ASAP2: variants seen among roughly 807,000 people sequenced by gnomAD.
ASAP2 encodes ArfGAP with SH3 domain, ankyrin repeat and PH domain 2.
Under a neutral mutation model 131.4 loss-of-function variants are expected in ASAP2, and 45 were observed. The observed-to-expected ratio is 0.34, with a 90% CI of 0.27 to 0.44. The LOEUF (loss-of-function observed/expected upper bound fraction) is 0.44. Among genes scored for constraint, ASAP2 ranks in the 20% least tolerant of loss-of-function variants. The pLI, the probability that ASAP2 is intolerant of heterozygous loss-of-function variation, is 1.00. For missense variants in ASAP2, 1,011 were observed against 1,297.0 expected (o/e 0.78, Z 3.39); for synonymous variants, 510 against 503.0 (o/e 1.01, Z -0.19).
At chr2:9,258,427 C>T (rs941234775) in intron 1 of ASAP2, among the ~76,000 whole-genome samples, 3 of 139,250 alleles carry the variant, frequency 2.2e-5, no homozygotes, top group African/African-American at 8.2e-5. Context: ...TGTAAGATTT[C>T]CTTCTTGGAA....
Position 9,320,238 on chromosome 2 carries a change from C to A in ASAP2, c.421-50C>A, listed in dbSNP as rs1204888766. On this transcript the variant is annotated intron_variant, in intron 4 of 27. Coordinates refer to ENST00000281419, the MANE Select transcript of ASAP2 (RefSeq NM_003887.3). ...TACAGGGATAAGTAAGTTTATCTTG[C>A]ACAGAAGTGAATGATTAGTCTTGCC... 4 of 1,479,380 alleles carry A rather than the reference C, an allele frequency of 2.7e-6. No homozygotes were observed. The African/African-American group carries it at 4.2e-5, about 15-fold the overall frequency. The allele number at this position is 1,479,380 out of a possible 1,614,324, so 91.6% of individuals were successfully genotyped here.
intron 3 of ASAP2, among the ~76,000 whole-genome samples, chr2:9,310,299 G>A (rs1352659038): frequency 1.3e-5 from 2 of 152,184 alleles, no homozygotes; most frequent in African/African-American, 4.8e-5. Context: ...ACATGATGCA[G>A]GCAAGCCTCA....
intron 3 of ASAP2, among the ~76,000 whole-genome samples, chr2:9,300,870 C>T (rs778035672): frequency 1.3e-5 from 2 of 152,172 alleles, no homozygotes; most frequent in South Asian, 2.1e-4. Flanking sequence ...TTATGGAAGT[C>T]GGATTGTTGA....
intron 3 of ASAP2, among the ~76,000 whole-genome samples, chr2:9,303,129 A>T (rs895422854): frequency 3.9e-5 from 6 of 152,222 alleles, no homozygotes; most frequent in African/African-American, 1.4e-4. Context: ...TAAATGTCTT[A>T]CTTTGTTTTT....
intron 3 of ASAP2, among the ~76,000 whole-genome samples, chr2:9,301,560 C>T (rs767087863): frequency 6.6e-6 from 1 of 152,186 alleles, no homozygotes; most frequent in Non-Finnish European, 1.5e-5. Context: ...CATTTCAGGG[C>T]AGGTTTCTGA....
At chr2:9,342,137 C>A (rs1572500152) in intron 9 of ASAP2, among the ~76,000 whole-genome samples, 1 of 152,188 alleles carries the variant, frequency 6.6e-6, no homozygotes, top group South Asian at 2.1e-4. Context: ...ATCCCAGCTG[C>A]CTTTGTGCAG....
intron 1 of ASAP2, among the ~76,000 whole-genome samples, chr2:9,258,568 C>T (rs1158880784): frequency 6.6e-6 from 1 of 152,108 alleles, no homozygotes; most frequent in Non-Finnish European, 1.5e-5. Context: ...GCCCCCGCCG[C>T]CACACTCATC....
At chr2:9,292,836 G>C (rs948986667) in intron 2 of ASAP2, among the ~76,000 whole-genome samples, 1 of 152,162 alleles carries the variant, frequency 6.6e-6, no homozygotes, top group Non-Finnish European at 1.5e-5. Flanking sequence ...CCTGTTGCCG[G>C]GCTGGAAATA....
At chr2:9,403,011 C>T (rs1004669274) in intron 27 of ASAP2, among the ~76,000 whole-genome samples, 5 of 152,298 alleles carry the variant, frequency 3.3e-5, no homozygotes, top group African/African-American at 9.6e-5. Flanking sequence ...GCCATCCCCA[C>T]GAGCGAACAT....
At position 9,397,727 on chromosome 2, in the gene ASAP2, G is replaced by GATAT. The variant is rs200560260; in HGVS notation, c.2685-2275_2685-2272dup. Among the ~76,000 whole-genome samples, 133 of 83,516 alleles carry GATAT rather than the reference G, an allele frequency of 1.6e-3. 1 individual carries two copies. Among genetic ancestry groups the GATAT allele is most frequent in the East Asian group, 4.4e-3 (14 of 3,204 alleles). The allele number at this position is 83,516 out of a possible 152,430, so 54.8% of individuals were successfully genotyped here. ...TTGGTTGGGAAAAAAAAATCAAAAG[G>GATAT]ATATATATATATATATATATATATT... On this transcript the variant is annotated intron_variant, in intron 24 of 27. Transcript: ENST00000281419.
chr2:9,323,585 A>T (rs1027748030), intron 6 of ASAP2, among the ~76,000 whole-genome samples: 3 of 152,182 alleles, frequency 2.0e-5, no homozygotes, highest in African/African-American at 7.2e-5. Context: ...GTACCAATGG[A>T]GTCAGTGACT....
Position 9,265,553 on chromosome 2 carries a change from A to G in ASAP2, c.127-13764A>G, listed in dbSNP as rs1362710447. On this transcript the variant is annotated intron_variant, in intron 1 of 27. Transcript: ENST00000281419. ...ATTATCAAATAATGTATTCATGTTAATGATAGTTTAAAAGTGGGAAAACAA... is the reference window on the plus strand; with the variant it reads ...ATTATCAAATAATGTATTCATGTTAGTGATAGTTTAAAAGTGGGAAAACAA... 5.9e-5 allele frequency among the ~76,000 whole-genome samples: 9 copies of G among 152,374 alleles called. 1 individual carries two copies. In the South Asian group the frequency reaches 1.2e-3, roughly 21 times the overall value.
At chr2:9,229,461 G>A (rs1254896677) in intron 1 of ASAP2, among the ~76,000 whole-genome samples, 1 of 152,172 alleles carries the variant, frequency 6.6e-6, no homozygotes, top group East Asian at 1.9e-4. Flanking sequence ...TGGGAACCAG[G>A]GGCAGCTACA....
intron 2 of ASAP2, among the ~76,000 whole-genome samples, chr2:9,287,471 G>A (rs1367160886): frequency 6.6e-6 from 1 of 152,206 alleles, no homozygotes; most frequent in Non-Finnish European, 1.5e-5. Flanking sequence ...GATATCTGAA[G>A]GACGCGGGGC....
chr2:9,377,127 A>G (rs1190244114), intron 18 of ASAP2, 134 bp downstream of exon 18: 1 of 749,032 alleles, frequency 1.3e-6, no homozygotes, highest in East Asian at 2.6e-5. Flanking sequence ...TTAAAGACAG[A>G]AAAAGGACTG....
chr2:9,403,505 T>C lies in ASAP2; in HGVS notation c.*178T>C. ...ACATATCAGTAATTGTTTTTATAATTTGTGGTTTTCATGAAACATTGCTAT... is the reference window on the plus strand; with the variant it reads ...ACATATCAGTAATTGTTTTTATAATCTGTGGTTTTCATGAAACATTGCTAT... On this transcript the variant is annotated 3_prime_UTR_variant, in exon 28 of 28. Transcript: ENST00000281419. 1.7e-6 allele frequency: 1 copy of C among 578,594 alleles called. No individual in the cohort carries two copies. The highest frequency in any genetic ancestry group is 3.0e-6 in the Non-Finnish European group (1 of 336,182). 35.8% of individuals were successfully genotyped at this position (578,594 alleles called of 1,614,324 possible).
At chr2:9,344,948 G>A (rs1247701962) in intron 11 of ASAP2, 148 bp downstream of exon 11, 1 of 560,130 alleles carries the variant, frequency 1.8e-6, no homozygotes, top group African/African-American at 1.9e-5. Flanking sequence ...AGAAACGCTT[G>A]CTGGCCTCCG....
intron 1 of ASAP2, among the ~76,000 whole-genome samples, chr2:9,278,910 T>C (rs551152103): frequency 7.9e-4 from 120 of 152,082 alleles, no homozygotes; most frequent in Non-Finnish European, 1.6e-3. Flanking sequence ...GGGGAAGGGG[T>C]GCAGGCACGA....
At position 9,397,727 on chromosome 2, in the gene ASAP2, G is replaced by GATATATAT. The variant is rs200560260; in HGVS notation, c.2685-2279_2685-2272dup. Among the ~76,000 whole-genome samples the GATATATAT allele has an allele frequency of 3.8e-4, 32 of 83,520 alleles. 3 individuals are homozygous for GATATATAT. Among genetic ancestry groups the GATATATAT allele is most frequent in the African/African-American group, 2.2e-3 (29 of 12,982 alleles). The allele number at this position is 83,520 out of a possible 152,430, so 54.8% of individuals were successfully genotyped here. On this transcript the variant is annotated intron_variant, in intron 24 of 27. Coordinates refer to ENST00000281419, the MANE Select transcript of ASAP2 (RefSeq NM_003887.3). ...TTGGTTGGGAAAAAAAAATCAAAAGGATATATATATATATATATATATATT... is the reference window on the plus strand; with the variant it reads ...TTGGTTGGGAAAAAAAAATCAAAAGGATATATATATATATATATATATATATATATATT...
Sources: allele counts gnomAD v4.1 joint callset (sites outside exome capture counted in the v4.1 genomes callset), GRCh38; gene constraint gnomAD v4.1.1; transcripts MANE v1.5; gene names NCBI Gene and HGNC (gene_info 2026-07-23, HGNC 2026-07-21).